FGFR1: variants seen among roughly 807,000 people sequenced by gnomAD.
FGFR1 encodes the protein FGFR1/PLAG1 fusion.
FGFR1 carries 18 observed loss-of-function variants against 93.7 expected under a neutral mutation model. That is an observed-to-expected ratio of 0.19 (90% CI 0.13 to 0.28). The LOEUF (loss-of-function observed/expected upper bound fraction) is 0.28. Ranked by LOEUF, FGFR1 falls within the 10% of genes least tolerant of loss-of-function variation. The pLI is 1.00. For missense variants in FGFR1, 731 were observed against 1,080.4 expected, an observed-to-expected ratio of 0.68 and a Z score of 4.53; for synonymous variants, 448 against 429.3, an observed-to-expected ratio of 1.04 and a Z score of -0.54.
chr8:38,457,540 G>T lies in FGFR1; in HGVS notation c.-88-6C>A. Reference sequence around the variant, plus strand: ...TCCTCCTTTTCAAACTGACCCTGAGGAAAGGAAAAAAACCCCAAAAGTTAG... The same window carrying T: ...TCCTCCTTTTCAAACTGACCCTGAGTAAAGGAAAAAAACCCCAAAAGTTAG... On this transcript the variant is annotated splice_polypyrimidine_tract_variant and splice_region_variant and intron_variant, in intron 1 of 17. Transcript: ENST00000447712. The T allele has an allele frequency of 6.3e-7, 1 of 1,575,526 alleles. No individual in the cohort carries two copies.
intron 3 of FGFR1, chr8:38,428,919 C>T (rs1458135513): frequency 9.9e-6 from 3 of 302,178 alleles, no homozygotes; most frequent in Non-Finnish European, 1.9e-5. Context: ...GGCTGCCCTC[C>T]TTAATCAGAG....
Position 38,418,096 on chromosome 8 carries a change from A to G in FGFR1, c.1431-105T>C, listed in dbSNP as rs1279984721. 1.6e-5 allele frequency: 26 copies of G among 1,608,030 alleles called. No homozygotes were observed. The South Asian group carries it at 2.2e-4, about 14-fold the overall frequency. ...TGTATTTCACCCAACTGCGAGCAGA[A>G]AGTGGAATGAATGTTTCTGCAGGCA... On this transcript the variant is annotated intron_variant, in intron 10 of 17. Coordinates refer to ENST00000447712, the MANE Select transcript of FGFR1 (RefSeq NM_023110.3).
In FGFR1 at chr8:38,441,136, G is replaced by A. The variant is rs549116662; in HGVS notation, c.92-11188C>T. Among the ~76,000 whole-genome samples the A allele has an allele frequency of 2.0e-5, 3 of 151,776 alleles. No individual in the cohort carries two copies. The South Asian group carries it at 6.2e-4, about 32-fold the overall frequency. On this transcript the variant is annotated intron_variant, in intron 2 of 17. Transcript: ENST00000447712. ...AGAATCCCACTTGGGAATCGCAGGC[G>A]CCAAGAGCTATTGGCCTGGAGAGTT...
intron 2 of FGFR1, among the ~76,000 whole-genome samples, chr8:38,437,841 T>C (rs1297276947): frequency 5.3e-5 from 8 of 152,234 alleles, no homozygotes; most frequent in African/African-American, 1.9e-4. Flanking sequence ...CACCTGAAAA[T>C]GTATTTTGAA....
In FGFR1 at chr8:38,424,789, C is replaced by G. The variant is rs1820140639; in HGVS notation, c.746-90G>C. 7.2e-7 allele frequency: 1 copy of G among 1,388,084 alleles called. No homozygotes were observed. The highest frequency in any genetic ancestry group is 9.9e-7 in the Non-Finnish European group (1 of 1,005,124). 86.0% of individuals were successfully genotyped at this position (1,388,084 alleles called of 1,614,324 possible). The stretch of plus-strand genomic sequence containing the variant: ...TCACCTGCGCCCCACTTGGCTTTCC[C>G]AGTGATGGGTTGTAAACCTCCCAGC... On this transcript the variant is annotated intron_variant, in intron 6 of 17. Coordinates refer to ENST00000447712, the MANE Select transcript of FGFR1 (RefSeq NM_023110.3). This position sits in a 1 kb window ranked among gnomAD's most constrained non-coding sequence, Gnocchi z 4.3.
rs183376882 is a variant in FGFR1 at position 38,419,546 on chromosome 8, C to A, written c.1271G>T (p.Arg424Leu). The A allele has an allele frequency of 6.2e-7, 1 of 1,614,056 alleles. No homozygotes were observed. Among genetic ancestry groups the A allele is most frequent in the Non-Finnish European group, 8.5e-7 (1 of 1,179,974 alleles). Residue 424 changes from arginine to leucine, a missense_variant, in exon 9 of 18, where the codon CGC becomes CTC. Physicochemically the swap from Arg to Leu is moderately radical, Grantham distance 102. Around this residue, in one of 10 missense-constraint regions of FGFR1, gnomAD observed 146 missense variants for 173.0 expected, o/e 0.84. Coordinates refer to ENST00000447712, the MANE Select transcript of FGFR1 (RefSeq NM_023110.3). ...CCATCTACTTTCTGTTACCTGTCTG[C>A]GCAGAGGGATGCTCTTGGCCAGCTT... is the stretch of plus-strand genomic sequence containing the variant. ...VHKLAKSIPL[R>L]RQVTVSADSS... is the part of the protein sequence containing the mutation.
At chr8:38,457,258 C>T (rs768228012) in intron 2 of FGFR1, 98 bp downstream of exon 2, 1 of 1,353,876 alleles carries the variant, frequency 7.4e-7, no homozygotes, top group African/African-American at 1.4e-5. Context: ...AAGGAGCCTT[C>T]CCTGTTGACC....
chr8:38,460,141 T>C (rs575576776), intron 1 of FGFR1, among the ~76,000 whole-genome samples: 7 of 152,222 alleles, frequency 4.6e-5, no homozygotes, highest in African/African-American at 1.7e-4. Flanking sequence ...CGAGATTGCA[T>C]CACTGCACTC....
At chr8:38,415,801 C>T (rs750599280) in intron 13 of FGFR1, 69 bp downstream of exon 13, 1 of 1,484,630 alleles carries the variant, frequency 6.7e-7, no homozygotes, top group Non-Finnish European at 9.4e-7. Flanking sequence ...TGATAAGTCA[C>T]AGGCTGGAAG....
At chr8:38,422,050 T>C in intron 7 of FGFR1, 109 bp from the exon 8 acceptor site, 2 of 1,267,480 alleles carry the variant, frequency 1.6e-6, no homozygotes, top group South Asian at 2.5e-5. Flanking sequence ...GAAGAAATGC[T>C]CCCTGACATC....
rs201773631 is a variant in FGFR1, at chr8:38,417,996, C to T, written c.1431-5G>A. On this transcript the variant is annotated splice_region_variant and splice_polypyrimidine_tract_variant and intron_variant, in intron 10 of 17. Transcript: ENST00000447712. ...AGGGGTTTGCCTAAGACCAGTCTTT[C>T]GGGGGAAACAGAGAGTGGCATAAGT... 1.5e-4 allele frequency: 243 copies of T among 1,614,016 alleles called. No individual in the cohort carries two copies. The highest frequency in any genetic ancestry group is 7.7e-4 in the Admixed American group (46 of 59,998).
Position 38,429,290 on chromosome 8 carries a change from G to T in FGFR1, c.358+392C>A. 1.9e-6 allele frequency: 1 copy of T among 532,224 alleles called. No individual in the cohort carries two copies. The highest frequency in any genetic ancestry group is 3.7e-6 in the Non-Finnish European group (1 of 271,014). 33.0% of individuals were successfully genotyped at this position (532,224 alleles called of 1,614,324 possible). ...GAGCAGGGATACCACCACCTGTTCA[G>T]GGCCTCTAATCACTAAGCCGAGTAC... On this transcript the variant is annotated intron_variant, in intron 3 of 17. Coordinates refer to ENST00000447712, the MANE Select transcript of FGFR1 (RefSeq NM_023110.3). This position sits in a 1 kb window ranked among gnomAD's most constrained non-coding sequence, Gnocchi z 4.4.
rs753214923 is a variant in FGFR1 at position 38,418,138 on chromosome 8, C to T, written c.1430+90G>A. 4.7e-5 allele frequency: 75 copies of T among 1,603,070 alleles called. 1 individual carries two copies. The South Asian group carries it at 6.3e-4, about 13-fold the overall frequency. Reference sequence around the variant, plus strand: ...CTGCAGGCATTTCATGAACCTTCACCGCCCAGAAGGTGTTAGTATACACAC... The same window carrying T: ...CTGCAGGCATTTCATGAACCTTCACTGCCCAGAAGGTGTTAGTATACACAC... On this transcript the variant is annotated intron_variant, in intron 10 of 17. Transcript: ENST00000447712.
intron 2 of FGFR1, chr8:38,440,181 G>T: frequency 1.3e-6 from 1 of 772,794 alleles, no homozygotes; most frequent in Non-Finnish European, 2.2e-6. Flanking sequence ...GGGTGGGGGA[G>T]GAACTCGGGG....
At chr8:38,418,152 T>C in intron 10 of FGFR1, 76 bp downstream of exon 10, 2 of 1,597,722 alleles carry the variant, frequency 1.3e-6, no homozygotes, top group Non-Finnish European at 1.7e-6. Flanking sequence ...CAGAAGGTGT[T>C]AGTATACACA....
intron 2 of FGFR1, among the ~76,000 whole-genome samples, chr8:38,432,238 T>C (rs1323123465): frequency 1.3e-5 from 2 of 152,050 alleles, no homozygotes; most frequent in Non-Finnish European, 2.9e-5. Context: ...GATCCGTAAC[T>C]TCCTGCCCGT....
intron 7 of FGFR1, chr8:38,423,357 T>C: frequency 3.8e-6 from 2 of 533,048 alleles, no homozygotes; most frequent in Non-Finnish European, 3.3e-6. Flanking sequence ...TCACTCACTC[T>C]GTCACCCAGG....
intron 13 of FGFR1, 116 bp downstream of exon 13, chr8:38,415,754 G>A (rs1816299118): frequency 1.0e-6 from 1 of 1,004,282 alleles, no homozygotes; most frequent in East Asian, 2.6e-5. Context: ...GGGCACACAG[G>A]GCCAGTGCTC....
chr8:38,430,687 C>G (rs745923763), intron 2 of FGFR1: 1 of 152,342 alleles, frequency 6.6e-6, no homozygotes, highest in South Asian at 2.1e-4. Flanking sequence ...CAGGAGCTGT[C>G]GCACACAAAG....
Sources: gnomAD v4.1 joint callset for allele counts (sites outside exome capture counted in the v4.1 genomes callset) on GRCh38, gnomAD v4.1.1 for gene constraint, gnomAD v4.1.1 regional missense constraint, Gnocchi (gnomAD v3.1) non-coding constraint, MANE v1.5 for transcripts, NCBI Gene and HGNC (gene_info 2026-07-23, HGNC 2026-07-21) for gene names.